The following MLLT1 variants were observed in gnomAD, a reference collection of about 807,000 sequenced individuals.
MLLT1 encodes protein ENL.
Under a neutral mutation model 55.1 loss-of-function variants are expected in MLLT1, and 11 were observed. The observed-to-expected ratio is 0.20, with a 90% CI of 0.13 to 0.33. The LOEUF (loss-of-function observed/expected upper bound fraction) is 0.33, where lower values mean the gene tolerates loss of function less well. Ranked by LOEUF, MLLT1 falls within the 10% of genes least tolerant of loss-of-function variation. The probability of loss-of-function intolerance (pLI) is 1.00; values close to 1 mark genes in which losing one functional copy is unlikely to be tolerated. For synonymous variants in MLLT1, 323 were observed against 320.1 expected, an observed-to-expected ratio of 1.01 and a Z score of -0.10; for missense variants, 536 against 760.6, an observed-to-expected ratio of 0.70 and a Z score of 3.47.
chr19:6,239,707 TAC>T (rs1025657985), intron 3 of MLLT1, among the ~76,000 whole-genome samples: 8 of 151,620 alleles, frequency 5.3e-5, no homozygotes, highest in South Asian at 2.1e-4. Context: ...CACACCCGTG[TAC>T]ACACACACCC....
chr19:6,252,253 A>G (rs1193065307), intron 3 of MLLT1, among the ~76,000 whole-genome samples: 2 of 152,154 alleles, frequency 1.3e-5, no homozygotes, highest in Admixed American at 6.5e-5. Flanking sequence ...TCGACCTCAG[A>G]CTGACAATTA....
chr19:6,214,437 C>T (rs1042734900), intron 8 of MLLT1, among the ~76,000 whole-genome samples: 15 of 152,310 alleles, frequency 9.8e-5, no homozygotes, highest in South Asian at 6.2e-4. Flanking sequence ...CTTCCATGGC[C>T]GCCCGTCCCT....
At chr19:6,214,577 C>T (rs1240928317) in intron 8 of MLLT1, among the ~76,000 whole-genome samples, 1 of 152,158 alleles carries the variant, frequency 6.6e-6, no homozygotes, top group Non-Finnish European at 1.5e-5. Flanking sequence ...GAGGTCCAAG[C>T]TCTCAACCTC....
chr19:6,223,220 C>A (rs987675227), intron 5 of MLLT1, among the ~76,000 whole-genome samples: 15 of 152,308 alleles, frequency 9.8e-5, no homozygotes, highest in Middle Eastern at 3.4e-3. Flanking sequence ...GGACTCCACA[C>A]CCCCAGGGTC....
At chr19:6,225,642 G>C (rs980512360) in intron 5 of MLLT1, among the ~76,000 whole-genome samples, 1 of 152,160 alleles carries the variant, frequency 6.6e-6, no homozygotes, top group Non-Finnish European at 1.5e-5. Flanking sequence ...AGCCTCCAGG[G>C]ACGGAGAGGG....
At chr19:6,244,003 C>G (rs1490986538) in intron 3 of MLLT1, among the ~76,000 whole-genome samples, 1 of 147,586 alleles carries the variant, frequency 6.8e-6, no homozygotes, top group African/African-American at 2.5e-5. Flanking sequence ...GAGATCACGC[C>G]ACTGCACTCC....
intron 2 of MLLT1, among the ~76,000 whole-genome samples, chr19:6,263,899 A>G (rs1325875992): frequency 2.1e-5 from 2 of 97,446 alleles, no homozygotes; most frequent in African/African-American, 8.0e-5. Context: ...GGAGGGCAGG[A>G]GTGAGGATGA....
chr19:6,221,671 A>C (rs190480064), intron 6 of MLLT1, among the ~76,000 whole-genome samples: 1 of 152,300 alleles, frequency 6.6e-6, no homozygotes, highest in East Asian at 1.9e-4. Flanking sequence ...TGAAGCCCTC[A>C]TCATTAACCT....
rs375400295 is a variant in MLLT1 at position 6,218,451 on chromosome 19, A to G, written c.1111-410T>C. Reference sequence around the variant, plus strand: ...CTGGTGTCGCAAAAATGTCTGGAACAGGAAAGCTGGGTGTGGACACTTCTT... The same window carrying G: ...CTGGTGTCGCAAAAATGTCTGGAACGGGAAAGCTGGGTGTGGACACTTCTT... On this transcript the variant is annotated intron_variant, in intron 6 of 11. Coordinates refer to ENST00000252674, the MANE Select transcript of MLLT1 (RefSeq NM_005934.4). 3.3e-5 allele frequency among the ~76,000 whole-genome samples: 5 copies of G among 152,378 alleles called. No homozygotes were observed. The East Asian group carries it at 9.6e-4, about 29-fold the overall frequency.
At position 6,230,623 on chromosome 19, in the gene MLLT1, T is replaced by C. The variant is rs1470610088; in HGVS notation, c.367A>G (p.Thr123Ala). ...AACTCCGTGGTGGGGTTGTTGAAGG[T>C]GAGCTTCTCGCAGCGCAGGTGGTTC... Reference protein sequence around the residue: ...PVNHLRCEKLTFNNPTTEFRY... With the variant: ...PVNHLRCEKLAFNNPTTEFRY... The change falls in exon 4 of 12, where the codon ACC becomes GCC. Residue 123 changes from threonine (T) to alanine (A), a missense_variant. Thr to Ala is a moderately conservative substitution (Grantham distance 58). Around this residue, in one of 3 missense-constraint regions of MLLT1, gnomAD observed 62 missense variants for 195.8 expected, o/e 0.32. Transcript: ENST00000252674. This position sits in a 1 kb window ranked among gnomAD's most constrained non-coding sequence, Gnocchi z 9.0. 6.2e-7 allele frequency: 1 copy of C among 1,613,016 alleles called. No homozygotes were observed. The highest frequency in any genetic ancestry group is 8.5e-7 in the Non-Finnish European group (1 of 1,179,296).
chr19:6,212,010 A>G lies in MLLT1; in HGVS notation c.*1032T>C. ...ACGCTCGAGGGGCTGACCAGAGTTC[A>G]ATGCGCCTCAGAAAACTCCATAAAC... On this transcript the variant is annotated 3_prime_UTR_variant, in exon 12 of 12. Coordinates refer to ENST00000252674, the MANE Select transcript of MLLT1 (RefSeq NM_005934.4). 1 of 1,065,760 alleles carries G rather than the reference A, an allele frequency of 9.4e-7. No individual in the cohort carries two copies. The highest frequency in any genetic ancestry group is 1.1e-6 in the Non-Finnish European group (1 of 879,252). 66.0% of individuals were successfully genotyped at this position (1,065,760 alleles called of 1,614,324 possible).
Position 6,227,029 on chromosome 19 carries a change from G to A in MLLT1, c.494C>T (p.Pro165Leu). 1 of 1,607,762 alleles carries A rather than the reference G, an allele frequency of 6.2e-7. No individual in the cohort carries two copies. Among genetic ancestry groups the A allele is most frequent in the South Asian group, 1.1e-5 (1 of 89,890 alleles). The change falls in exon 5 of 12, where the codon CCA (proline) becomes CTA (leucine). Residue 165 changes from proline (P) to leucine (L), a missense_variant. By Grantham distance (98) the Pro-to-Leu change is moderately conservative. This residue lies in a region of MLLT1 where 449 missense variants were observed against 489.0 expected (regional missense o/e 0.92). Transcript: ENST00000252674. This position sits in a 1 kb window ranked among gnomAD's most constrained non-coding sequence, Gnocchi z 5.1. Reference sequence around the variant, plus strand: ...CTTGGGGTCAGAGAAGGCAGAGAGTGGAATTGTGGGTAACATGGGGTAGTC... The same window carrying A: ...CTTGGGGTCAGAGAAGGCAGAGAGTAGAATTGTGGGTAACATGGGGTAGTC... The part of the protein sequence containing the change: ...SPDYPMLPTI[P>L]LSAFSDPKKT...
intron 1 of MLLT1, among the ~76,000 whole-genome samples, chr19:6,272,164 C>A (rs1402342791): frequency 6.6e-6 from 1 of 151,992 alleles, no homozygotes; most frequent in African/African-American, 2.4e-5. Flanking sequence ...GTCTTCCACG[C>A]GTGTATTTCC....
intron 3 of MLLT1, among the ~76,000 whole-genome samples, chr19:6,258,979 A>G (rs2091280931): frequency 6.6e-6 from 1 of 152,194 alleles, no homozygotes; most frequent in Non-Finnish European, 1.5e-5. Flanking sequence ...TCTCCCTCTT[A>G]ATCTTCCTGA....
Position 6,222,434 on chromosome 19 carries a change from G to T in MLLT1, c.797C>A (p.Thr266Lys). The change falls in exon 6 of 12, where the codon ACG becomes AAG. Residue 266 changes from threonine to lysine, a missense_variant. Physicochemically the swap from Thr to Lys is moderately conservative, Grantham distance 78 (BLOSUM62 -1). Around this residue, in one of 3 missense-constraint regions of MLLT1, gnomAD observed 449 missense variants for 489.0 expected, o/e 0.92. Transcript: ENST00000252674. This position sits in a 1 kb window ranked among gnomAD's most constrained non-coding sequence, Gnocchi z 4.1. ...MALKETKLES[T>K]SPKGGPPPPP... ...GGGTGGGGGCCCACCCTTGGGGGAC[G>T]TGCTTTCCAGCTTGGTCTCTTTCAG... The T allele has an allele frequency of 6.5e-7, 1 of 1,545,614 alleles. No individual in the cohort carries two copies. The highest frequency in any genetic ancestry group is 8.7e-7 in the Non-Finnish European group (1 of 1,149,466).
intron 3 of MLLT1, among the ~76,000 whole-genome samples, chr19:6,246,358 T>C (rs144572878): frequency 4.5e-4 from 68 of 152,300 alleles, no homozygotes; most frequent in Non-Finnish European, 7.8e-4. Context: ...GCCTTATTCA[T>C]AATCACAAGA....
At chr19:6,252,969 A>C (rs1418580681) in intron 3 of MLLT1, among the ~76,000 whole-genome samples, 4 of 152,134 alleles carry the variant, frequency 2.6e-5, no homozygotes, top group Non-Finnish European at 5.9e-5. Context: ...ACTAAAATTG[A>C]ATCAAGAAGT....
Position 6,270,525 on chromosome 19 carries a change from G to A in MLLT1, c.193+54C>T. On this transcript the variant is annotated intron_variant, in intron 2 of 11. Transcript: ENST00000252674. This position sits in a 1 kb window ranked among gnomAD's most constrained non-coding sequence, Gnocchi z 7.1. ...GAGGGGTGGAGCCTGGCCTTGGGAG[G>A]AGTGAAGACAGATGGGTCCGTGCTG... The A allele has an allele frequency of 3.2e-6, 5 of 1,540,970 alleles. No homozygotes were observed. The highest frequency in any genetic ancestry group is 1.8e-6 in the Non-Finnish European group (2 of 1,138,754).
At chr19:6,218,549 C>T (rs957063372) in intron 6 of MLLT1, among the ~76,000 whole-genome samples, 3 of 152,270 alleles carry the variant, frequency 2.0e-5, no homozygotes, top group Non-Finnish European at 2.9e-5. Flanking sequence ...GCTGCTCCTA[C>T]CGCCAGCTGC....
Sources: gnomAD v4.1 joint callset for allele counts (sites outside exome capture counted in the v4.1 genomes callset) on GRCh38, gnomAD v4.1.1 for gene constraint, gnomAD v4.1.1 regional missense constraint, Gnocchi (gnomAD v3.1) non-coding constraint, MANE v1.5 for transcripts, NCBI Gene and HGNC (gene_info 2026-07-23, HGNC 2026-07-21) for gene names.